The following CELF3 variants were observed in gnomAD, a reference collection of about 807,000 sequenced individuals.
The protein encoded by CELF3 is CAG repeat domain.
Under a neutral mutation model 59.6 loss-of-function variants are expected in CELF3, and 26 were observed. The observed-to-expected ratio is 0.44, with a 90% confidence interval of 0.32 to 0.61. The LOEUF (loss-of-function observed/expected upper bound fraction) is 0.61. CELF3 is among the 20% of genes least tolerant of loss of function. The probability of loss-of-function intolerance (pLI) is 0.06; values close to 1 mark genes in which losing one functional copy is unlikely to be tolerated. For synonymous variants in CELF3, 245 were observed against 250.7 expected, an observed-to-expected ratio of 0.98 and a Z score of 0.22; for missense variants, 387 against 627.2, an observed-to-expected ratio of 0.62 and a Z score of 4.09.
chr1:151,706,294 C>T lies in CELF3; in HGVS notation c.1056G>A (p.Gln352=). ...AFPQPPALVA[Q]QPPPPPQQQQ... ...GCTGTTGAGGTGGTGGTGGGGGCTGCTGGGCGACCAGGGCTGGAGGCTGCG... is the reference window on the plus strand; with the variant it reads ...GCTGTTGAGGTGGTGGTGGGGGCTGTTGGGCGACCAGGGCTGGAGGCTGCG... The change falls in exon 10 of 13, where the codon CAG becomes CAA. Residue 352 remains glutamine (Q), a synonymous_variant. Transcript: ENST00000290583. The T allele has an allele frequency of 1.3e-6, 2 of 1,566,290 alleles. No individual in the cohort carries two copies. The highest frequency in any genetic ancestry group is 1.4e-5 in the African/African-American group (1 of 73,676).
Position 151,705,035 on chromosome 1 carries a change from G to A in CELF3, c.*6C>T, listed in dbSNP as rs761119258. 3.1e-6 allele frequency: 5 copies of A among 1,610,368 alleles called. No homozygotes were observed. The highest frequency in any genetic ancestry group is 4.2e-6 in the Non-Finnish European group (5 of 1,177,422). On this transcript the variant is annotated 3_prime_UTR_variant, in exon 12 of 13. Transcript: ENST00000290583. This position sits in a 1 kb window ranked among gnomAD's most constrained non-coding sequence, Gnocchi z 5.1. ...CCACAACGGAGCGGGACCCACCTGG[G>A]GGCCCTCAGTAGGGCCGGTTGGCAT...
chr1:151,707,751 G>C, intron 6 of CELF3, 41 bp downstream of exon 6: 1 of 1,606,112 alleles, frequency 6.2e-7, no homozygotes, highest in South Asian at 1.1e-5. Flanking sequence ...CAAGATACAG[G>C]GGGTCAGGAG....
chr1:151,715,973 C>A lies in CELF3; in HGVS notation c.48G>T (p.Arg16Ser), dbSNP rs1673448366. The A allele has an allele frequency of 1.2e-6, 2 of 1,614,054 alleles. No homozygotes were observed. The highest frequency in any genetic ancestry group is 1.3e-5 in the African/African-American group (1 of 74,944). ...GCTTCAGGTCCTTCTCCTCCAGATG[C>A]CTCGGGATCTGCCCCACAAACAGCT... ...AIKLFVGQIP[R>S]HLEEKDLKPI... Residue 16 changes from arginine (R) to serine (S), a missense_variant, in exon 1 of 13, where the codon AGG becomes AGT. Arg to Ser is a moderately radical substitution (Grantham distance 110). Transcript: ENST00000290583.
intron 1 of CELF3, chr1:151,715,554 A>T: frequency 8.0e-7 from 1 of 1,252,104 alleles, no homozygotes; most frequent in Non-Finnish European, 1.1e-6. Context: ...CCAGCTGCTT[A>T]TCTCCCAAAC....
chr1:151,707,125 G>C lies in CELF3; in HGVS notation c.922+20C>G, dbSNP rs979267037. The C allele has an allele frequency of 2.0e-6, 3 of 1,465,838 alleles. No homozygotes were observed. The African/African-American group carries it at 4.3e-5, about 21-fold the overall frequency. The allele number at this position is 1,465,838 out of a possible 1,614,324, so 90.8% of individuals were successfully genotyped here. A position where few individuals can be genotyped will look rare whatever the true frequency, so the allele number is the denominator to read the frequency against. ...GTTTAGATGGTTGCTGGGACGGAGTGGGCAGGCAGAGAGTCCCACCTGGGT... is the reference window on the plus strand; with the variant it reads ...GTTTAGATGGTTGCTGGGACGGAGTCGGCAGGCAGAGAGTCCCACCTGGGT... On this transcript the variant is annotated intron_variant, in intron 8 of 12. Coordinates refer to ENST00000290583, the MANE Select transcript of CELF3 (RefSeq NM_007185.7).
Position 151,705,793 on chromosome 1 carries a change from G to A in CELF3, c.1270+29C>T, listed in dbSNP as rs1296160284. 2 of 1,610,886 alleles carry A rather than the reference G, an allele frequency of 1.2e-6. No homozygotes were observed. Among genetic ancestry groups the A allele is most frequent in the Admixed American group, 1.7e-5 (1 of 59,802 alleles). ...AGACCTTGTCCTGATTTGGAGTATG[G>A]CAAAAAATGTGCCATATCATATTCT... On this transcript the variant is annotated intron_variant, in intron 11 of 12. Transcript: ENST00000290583. This position sits in a 1 kb window ranked among gnomAD's most constrained non-coding sequence, Gnocchi z 5.1.
Position 151,709,780 on chromosome 1 carries a change from C to A in CELF3, c.240G>T (p.Pro80=). The change falls in exon 3 of 13, where the codon CCG becomes CCT. Residue 80 remains proline (P), a synonymous_variant. Coordinates refer to ENST00000290583, the MANE Select transcript of CELF3 (RefSeq NM_007185.7). This position sits in a 1 kb window ranked among gnomAD's most constrained non-coding sequence, Gnocchi z 4.9. ...EQKTLPGMNR[P]IQVKPADSES... ...CGCTGTCGGCTGGCTTGACCTGGAT[C>A]GGCCTGTTCATCTGAAGGAGAGAAG... 5 of 1,614,148 alleles carry A rather than the reference C, an allele frequency of 3.1e-6. No individual in the cohort carries two copies. Among genetic ancestry groups the A allele is most frequent in the Non-Finnish European group, 3.4e-6 (4 of 1,179,988 alleles).
chr1:151,709,998 C>A lies in CELF3; in HGVS notation c.229-207G>T. 1.7e-6 allele frequency: 1 copy of A among 590,824 alleles called. No homozygotes were observed. The highest frequency in any genetic ancestry group is 1.9e-5 in the South Asian group (1 of 51,692). The allele number at this position is 590,824 out of a possible 1,614,324, so 36.6% of individuals were successfully genotyped here. A position where few individuals can be genotyped will look rare whatever the true frequency, so the allele number is the denominator to read the frequency against. ...GAGAGAGAGGATGTAGAGGGAGAGG[C>A]TCATGGGCACAGCTCCAGGCTCAGG... On this transcript the variant is annotated intron_variant, in intron 2 of 12. Coordinates refer to ENST00000290583, the MANE Select transcript of CELF3 (RefSeq NM_007185.7). The surrounding 1 kb of genome is among the most constrained non-coding windows in gnomAD (Gnocchi z 4.9).
rs1362018428 is a variant in CELF3, at chr1:151,715,712, C to T, written c.145+164G>A. The T allele has an allele frequency of 1.2e-5, 18 of 1,558,480 alleles. No individual in the cohort carries two copies. The Admixed American group carries it at 2.4e-4, about 21-fold the overall frequency. On this transcript the variant is annotated intron_variant, in intron 1 of 12. Transcript: ENST00000290583. ...GTCCTTCACCGGGGTTTCCTGATCA[C>T]TCTAGCTGAGTTCTTTTTCAGCTCC...
chr1:151,707,439 C>G, intron 7 of CELF3, 68 bp downstream of exon 7: 1 of 1,586,452 alleles, frequency 6.3e-7, no homozygotes, highest in Non-Finnish European at 8.6e-7. Flanking sequence ...CTTCCCTGAG[C>G]AATGCCCTGT....
At position 151,700,159 on chromosome 1, in the gene CELF3, A is replaced by G. The variant is rs1304338349; in HGVS notation, c.*3300T>C. ...AACAGACACAAAAGCAAAGAAAGAA[A>G]CATTTCTGCCAGCTTACAGGCTCAC... On this transcript the variant is annotated 3_prime_UTR_variant, in exon 13 of 13. Coordinates refer to ENST00000290583, the MANE Select transcript of CELF3 (RefSeq NM_007185.7). Among the ~76,000 whole-genome samples, 3 of 152,186 alleles carry G rather than the reference A, an allele frequency of 2.0e-5. No homozygotes were observed. Among genetic ancestry groups the G allele is most frequent in the African/African-American group, 7.2e-5 (3 of 41,430 alleles).
At chr1:151,714,379 G>C in intron 2 of CELF3, 1 of 628,602 alleles carries the variant, frequency 1.6e-6, no homozygotes, top group Non-Finnish European at 2.9e-6. Flanking sequence ...CCTGGTAAAA[G>C]TCATGTTTAC....
At position 151,709,716 on chromosome 1, in the gene CELF3, G is replaced by A. The variant is rs527838065; in HGVS notation, c.277+27C>T. ...CTGGGCCTGGGGGTGGGAGGAGAGG[G>A]ACAGAGTCCAAAGGCACAGAACCTA... is the stretch of plus-strand genomic sequence containing the variant. On this transcript the variant is annotated intron_variant, in intron 3 of 12. Coordinates refer to ENST00000290583, the MANE Select transcript of CELF3 (RefSeq NM_007185.7). The surrounding 1 kb of genome is among the most constrained non-coding windows in gnomAD (Gnocchi z 4.9). 4.3e-6 allele frequency: 7 copies of A among 1,612,118 alleles called. No homozygotes were observed. The South Asian group carries it at 7.7e-5, about 18-fold the overall frequency.
intron 1 of CELF3, chr1:151,715,655 G>C (rs1353309077): frequency 7.3e-6 from 11 of 1,510,600 alleles, no homozygotes; most frequent in African/African-American, 2.8e-5. Flanking sequence ...CAGCCGTCTT[G>C]ACAACTCTTC....
intron 5 of CELF3, 137 bp from the exon 6 acceptor site, chr1:151,708,072 G>T: frequency 1.1e-6 from 1 of 871,282 alleles, no homozygotes; most frequent in Non-Finnish European, 1.7e-6. Context: ...TTTTGCGTAT[G>T]AAAGATGGGG....
At chr1:151,706,499 A>G in intron 9 of CELF3, 138 bp from the exon 10 acceptor site, 7 of 1,178,316 alleles carry the variant, frequency 5.9e-6, no homozygotes, top group Non-Finnish European at 8.4e-6. Context: ...GAGCTGCCTC[A>G]GACCCCTGGG....
In CELF3 at chr1:151,706,274, TGAG is replaced by T. The variant is rs1168234755; in HGVS notation, c.1073_1075del (p.Pro358del). 4 of 1,582,018 alleles carry T rather than the reference TGAG, an allele frequency of 2.5e-6. No individual in the cohort carries two copies. Among genetic ancestry groups the T allele is most frequent in the Middle Eastern group, 1.8e-4 (1 of 5,558 alleles). On this transcript the variant is annotated inframe_deletion, in exon 10 of 13. Transcript: ENST00000290583. ...CTGCTGCTGCTGCTGCTGCTGCTGT[TGAG>T]GTGGTGGTGGGGGCTGCTGGGCGAC...
In CELF3 at chr1:151,711,480, G is replaced by T. The variant is rs1323611769; in HGVS notation, c.229-1689C>A. 3 of 148,390 alleles carry T rather than the reference G, an allele frequency of 2.0e-5. No individual in the cohort carries two copies. The East Asian group carries it at 6.1e-4, about 30-fold the overall frequency. 9.2% of individuals were successfully genotyped at this position (148,390 alleles called of 1,614,324 possible). On this transcript the variant is annotated intron_variant, in intron 2 of 12. Transcript: ENST00000290583. ...CAAATCTCTGGATCTGAGAGCAGCT[G>T]GTGAGGAGGGAGGGTAACAGTCATA...
At chr1:151,707,706 C>G in intron 6 of CELF3, 58 bp from the exon 7 acceptor site, 1 of 1,599,140 alleles carries the variant, frequency 6.3e-7, no homozygotes, top group Non-Finnish European at 8.5e-7. Flanking sequence ...CTGGCTCCCT[C>G]CCAGCCCGGG....
Sources: allele counts gnomAD v4.1 joint callset (sites outside exome capture counted in the v4.1 genomes callset), GRCh38; gene constraint gnomAD v4.1.1; non-coding constraint Gnocchi (gnomAD v3.1); transcripts MANE v1.5; gene names NCBI Gene and HGNC (gene_info 2026-07-23, HGNC 2026-07-21).